IGF2: variants seen among roughly 807,000 people sequenced by gnomAD.
The protein encoded by IGF2 is insulin-like growth factor 2.
A neutral mutation model predicts 12.0 loss-of-function variants in IGF2; 2 were observed. That is an observed-to-expected ratio of 0.17 (90% CI 0.07 to 0.52). IGF2 has a LOEUF of 0.52. IGF2 is among the 20% of genes least tolerant of loss of function. The pLI is 0.95. For missense variants in IGF2, 211 were observed against 268.0 expected (o/e 0.79, Z 1.48); for synonymous variants, 105 against 110.1 (o/e 0.95, Z 0.29).
intron 1 of IGF2, among the ~76,000 whole-genome samples, chr11:2,137,910 CAT>C (rs950938446): frequency 6.6e-6 from 1 of 152,164 alleles, no homozygotes; most frequent in African/African-American, 2.4e-5. Flanking sequence ...ACGAATCACA[CAT>C]GTGAGGCGGC....
At position 2,138,687 on chromosome 11, in the gene IGF2, C is replaced by T; in HGVS notation, c.-465G>A. The stretch of plus-strand genomic sequence containing the variant: ...TTAATCCACTTTGGTTCGGCGAAGG[C>T]GAGAGGGCGGGCGTGAGGGGGGGAG... On this transcript the variant is annotated 5_prime_UTR_variant, in exon 1 of 4. Transcript: ENST00000416167. The T allele has an allele frequency of 1.1e-6, 1 of 903,796 alleles. No homozygotes were observed. Among genetic ancestry groups the T allele is most frequent in the Non-Finnish European group, 1.3e-6 (1 of 784,550 alleles). 56.0% of individuals were successfully genotyped at this position (903,796 alleles called of 1,614,324 possible).
rs1481723552 is a variant in IGF2 at position 2,130,538 on chromosome 11, G to A, written c.*2449C>T. 8.6e-5 allele frequency: 16 copies of A among 185,158 alleles called. No homozygotes were observed. The East Asian group carries it at 1.1e-3, about 13-fold the overall frequency. The allele number at this position is 185,158 out of a possible 1,614,324, so 11.5% of individuals were successfully genotyped here. On this transcript the variant is annotated 3_prime_UTR_variant, in exon 4 of 4. Transcript: ENST00000416167. The stretch of plus-strand genomic sequence containing the variant: ...TGCCCCCCTGTTACATGGGGGGGGG[G>A]TTTAATTTGGTTTCTGAGCGCATAA...
chr11:2,149,163 G>T, the IGF2 span: 1 of 1,613,540 alleles, frequency 6.2e-7, no homozygotes, highest in South Asian at 1.1e-5. Flanking sequence ...GCAGCTCCTG[G>T]ACAGTGGATA....
chr11:2,138,636 C>A lies in IGF2; in HGVS notation c.-414G>T, dbSNP rs953925091. On this transcript the variant is annotated 5_prime_UTR_variant, in exon 1 of 4. Transcript: ENST00000416167. ...GCAGGCGCACAGCGGGAGAGAACAGCACGGAGAGAAACAGAAAGCGTGTAA... is the reference window on the plus strand; with the variant it reads ...GCAGGCGCACAGCGGGAGAGAACAGAACGGAGAGAAACAGAAAGCGTGTAA... The A allele has an allele frequency of 3.3e-5, 32 of 978,836 alleles. No homozygotes were observed. Among genetic ancestry groups the A allele is most frequent in the Non-Finnish European group, 3.5e-5 (29 of 828,876 alleles). The allele number at this position is 978,836 out of a possible 1,614,324, so 60.6% of individuals were successfully genotyped here. A position where few individuals can be genotyped will look rare whatever the true frequency, so the allele number is the denominator to read the frequency against.
intron 2 of IGF2, 71 bp downstream of exon 2, chr11:2,135,296 G>C (rs1242257336): frequency 1.5e-6 from 2 of 1,373,774 alleles, no homozygotes. Context: ...CCCCTGGCTT[G>C]AGGTTGGGCG....
chr11:2,146,190 T>A, upstream of IGF2: 1 of 517,114 alleles, frequency 1.9e-6, no homozygotes, highest in South Asian at 1.4e-5. Flanking sequence ...CTGCTCCCCA[T>A]CCCCTCGCTC....
Position 2,132,044 on chromosome 11 carries a change from G to A in IGF2, c.*943C>T, listed in dbSNP as rs1858642009. The A allele has an allele frequency of 1.5e-5, 1 of 66,398 alleles. No homozygotes were observed. Among genetic ancestry groups the A allele is most frequent in the South Asian group, 5.5e-4 (1 of 1,808 alleles). The allele number at this position is 66,398 out of a possible 1,614,324, so 4.1% of individuals were successfully genotyped here. The stretch of plus-strand genomic sequence containing the variant: ...TGTGTGCTGTGTGTGCTGTGCGTTT[G>A]TGTGTGTGCTGTGCTCGTGTGTGTG... On this transcript the variant is annotated 3_prime_UTR_variant, in exon 4 of 4. Transcript: ENST00000416167.
chr11:2,140,097 A>T (rs1222203267), upstream of IGF2: 2 of 1,600,886 alleles, frequency 1.2e-6, no homozygotes, highest in Non-Finnish European at 1.7e-6. Flanking sequence ...CCGCCAGAGG[A>T]GAGAGGATCA....
chr11:2,134,949 T>C (rs1280733949), intron 2 of IGF2, among the ~76,000 whole-genome samples: 1 of 152,256 alleles, frequency 6.6e-6, no homozygotes, highest in Non-Finnish European at 1.5e-5. Flanking sequence ...TTGATTTTAA[T>C]TCTGATCATT....
chr11:2,145,013 G>A (rs1002152179), upstream of IGF2, among the ~76,000 whole-genome samples: 10 of 151,846 alleles, frequency 6.6e-5, no homozygotes, highest in African/African-American at 1.9e-4. Flanking sequence ...GGGAGAACCC[G>A]CCCCCACCAT....
At chr11:2,137,100 G>T in intron 1 of IGF2, 1 of 373,300 alleles carries the variant, frequency 2.7e-6, no homozygotes, top group Non-Finnish European at 3.7e-6. Context: ...CAGGGCCCGA[G>T]GCCCAGGCGT....
At chr11:2,135,880 C>G (rs1430472897) in intron 1 of IGF2, among the ~76,000 whole-genome samples, 1 of 152,192 alleles carries the variant, frequency 6.6e-6, no homozygotes. Flanking sequence ...GACACCCGAC[C>G]TGGCCTCCGT....
chr11:2,133,026 G>A lies in IGF2; in HGVS notation c.504C>T (p.His168=), dbSNP rs200036157. ...TGGCCATCTCTGGGGGGGCGCCCCC[G>A]TGGGCGGGGTCTTGGGTGGGTAGAG... The part of the protein sequence containing the change: ...LIALPTQDPA[H]GGAPPEMASN... Residue 168 remains histidine (H), a synonymous_variant, in exon 4 of 4, where the codon CAC becomes CAT. Coordinates refer to ENST00000416167, the MANE Select transcript of IGF2 (RefSeq NM_000612.6). The surrounding 1 kb of genome is among the most constrained non-coding windows in gnomAD (Gnocchi z 8.9). 32 of 1,558,996 alleles carry A rather than the reference G, an allele frequency of 2.1e-5. No individual in the cohort carries two copies. The highest frequency in any genetic ancestry group is 2.3e-5 in the Non-Finnish European group (27 of 1,152,662).
upstream of IGF2, chr11:2,140,768 C>A (rs1590132085): frequency 9.4e-6 from 3 of 320,412 alleles, no homozygotes. Context: ...CGGAGACGAG[C>A]GCCAGCACCG....
At chr11:2,142,819 G>A (rs1859681835), upstream of IGF2, among the ~76,000 whole-genome samples, 2 of 152,120 alleles carry the variant, frequency 1.3e-5, no homozygotes, top group Non-Finnish European at 2.9e-5. This position sits in a 1 kb window ranked among gnomAD's most constrained non-coding sequence, Gnocchi z 5.7. Context: ...CTGCCCAAGG[G>A]GTCCTTTTGT....
chr11:2,133,219 T>C lies in IGF2; in HGVS notation c.311A>G (p.Asn104Ser). Residue 104 changes from asparagine to serine, a missense_variant, in exon 4 of 4, where the codon AAC becomes AGC. Asn to Ser is a conservative substitution (Grantham distance 46). This residue lies in a region of IGF2 where 141 missense variants were observed against 153.1 expected (regional missense o/e 0.92). Transcript: ENST00000416167. The surrounding 1 kb of genome is among the most constrained non-coding windows in gnomAD (Gnocchi z 8.9). ...CTTGCCCACGGGGTATCTGGGGAAG[T>C]TGTCCTGGGAGGGGAAGGGGCTGGT... ...VSTPPTVLPD[N>S]FPRYPVGKFF... 3 of 1,544,244 alleles carry C rather than the reference T, an allele frequency of 1.9e-6. No individual in the cohort carries two copies. Among genetic ancestry groups the C allele is most frequent in the African/African-American group, 1.4e-5 (1 of 73,042 alleles).
rs1490294319 is a variant in IGF2 at position 2,133,510 on chromosome 11, C to T, written c.306+7G>A. 2 of 1,609,490 alleles carry T rather than the reference C, an allele frequency of 1.2e-6. No homozygotes were observed. Among genetic ancestry groups the T allele is most frequent in the South Asian group, 1.1e-5 (1 of 90,588 alleles). On this transcript the variant is annotated splice_region_variant and intron_variant, in intron 3 of 3. Coordinates refer to ENST00000416167, the MANE Select transcript of IGF2 (RefSeq NM_000612.6). The surrounding 1 kb of genome is among the most constrained non-coding windows in gnomAD (Gnocchi z 8.9). ...TAGAGAGTGGGAAAGGGGCCCAGGA[C>T]CCTCACCGGAAGCACGGTCGGAGGG...
chr11:2,136,956 C>G (rs939221032), intron 1 of IGF2, among the ~76,000 whole-genome samples: 1 of 152,064 alleles, frequency 6.6e-6, no homozygotes, highest in African/African-American at 2.4e-5. Flanking sequence ...AAGTCCTGAG[C>G]TGGGCAAGGA....
chr11:2,136,675 T>C (rs538579573), intron 1 of IGF2, among the ~76,000 whole-genome samples: 10 of 152,390 alleles, frequency 6.6e-5, no homozygotes, highest in African/African-American at 2.4e-4. Context: ...CAACTTTGCA[T>C]GCCCTCTCTA....
Sources: allele counts gnomAD v4.1 joint callset (sites outside exome capture counted in the v4.1 genomes callset), GRCh38; gene constraint gnomAD v4.1.1; regional missense constraint gnomAD v4.1.1; non-coding constraint Gnocchi (gnomAD v3.1); transcripts MANE v1.5; gene names NCBI Gene and HGNC (gene_info 2026-07-23, HGNC 2026-07-21).